The following SEC23B variants were observed in gnomAD, a reference collection of about 807,000 sequenced individuals.
The protein encoded by SEC23B is SEC23 homolog B, COPII component, also known as protein transport protein Sec23B.
Under a neutral mutation model 104.3 loss-of-function variants are expected in SEC23B, and 77 were observed. The ratio of observed to expected loss-of-function variants is 0.74; its 90% CI spans 0.61 to 0.89. The LOEUF (loss-of-function observed/expected upper bound fraction) is 0.89, where lower values mean the gene tolerates loss of function less well. SEC23B is among the 40% of genes least tolerant of loss of function. SEC23B has a pLI of 0.00. For synonymous variants in SEC23B, 338 were observed against 332.5 expected, an observed-to-expected ratio of 1.02 and a Z score of -0.18; for missense variants, 885 against 949.4, an observed-to-expected ratio of 0.93 and a Z score of 0.89.
At position 18,554,523 on chromosome 20, in the gene SEC23B, ACTT is replaced by A. The variant is rs978282326; in HGVS notation, c.2148+137_2148+139del. On this transcript the variant is annotated intron_variant, in intron 18 of 19. Coordinates refer to ENST00000650089, the MANE Select transcript of SEC23B (RefSeq NM_006363.6). Reference sequence around the variant, plus strand: ...ACACACAGGTAATCTTCCAAATATGACTTCTTTTTAAATGAGTGGTCAGGCCAA... The same window carrying A: ...ACACACAGGTAATCTTCCAAATATGACTTTTTAAATGAGTGGTCAGGCCAA... The A allele has an allele frequency of 8.9e-6, 11 of 1,242,894 alleles. No homozygotes were observed. In the African/African-American group the frequency reaches 1.0e-4, roughly 12 times the overall value. 77.0% of individuals were successfully genotyped at this position (1,242,894 alleles called of 1,614,324 possible).
In SEC23B at chr20:18,548,730, A is replaced by G. The variant is rs769559400; in HGVS notation, c.1865A>G (p.Gln622Arg). 6.2e-7 allele frequency: 1 copy of G among 1,614,210 alleles called. No individual in the cohort carries two copies. Among genetic ancestry groups the G allele is most frequent in the Admixed American group, 1.7e-5 (1 of 60,030 alleles). Residue 622 changes from glutamine to arginine, a missense_variant, in exon 16 of 20, where the codon CAG becomes CGG. Coordinates refer to ENST00000650089, the MANE Select transcript of SEC23B (RefSeq NM_006363.6). ...CTGACCCAGTCCCTCATCATGATCCAGCCCATTCTCTACTCTTACTCCTTT... is the reference window on the plus strand; with the variant it reads ...CTGACCCAGTCCCTCATCATGATCCGGCCCATTCTCTACTCTTACTCCTTT... Reference protein sequence around the residue: ...QDLTQSLIMIQPILYSYSFHG... With the variant: ...QDLTQSLIMIRPILYSYSFHG...
intron 17 of SEC23B, 71 bp downstream of exon 17, chr20:18,551,246 G>A (rs1013599316): frequency 5.0e-6 from 4 of 805,448 alleles, no homozygotes; most frequent in East Asian, 5.4e-5. Flanking sequence ...CACATTTAAT[G>A]TGCACACAAG....
rs532449987 is a variant in SEC23B at position 18,554,017 on chromosome 20, G to A, written c.1993-218G>A. Among the ~76,000 whole-genome samples, 15 of 152,288 alleles carry A rather than the reference G, an allele frequency of 9.8e-5. No individual in the cohort carries two copies. In the East Asian group the frequency reaches 2.5e-3, roughly 25 times the overall value. ...ATAGAAGAGAGGAGGCATGAGTGAC[G>A]CCTGACATTCCTGGGGGAATGCGCA... is the stretch of plus-strand genomic sequence containing the variant. On this transcript the variant is annotated intron_variant, in intron 17 of 19. Coordinates refer to ENST00000650089, the MANE Select transcript of SEC23B (RefSeq NM_006363.6).
intron 10 of SEC23B, among the ~76,000 whole-genome samples, chr20:18,532,347 C>G (rs1301595938): frequency 6.6e-6 from 1 of 152,142 alleles, no homozygotes; most frequent in African/African-American, 2.4e-5. Context: ...TGAATATATT[C>G]ATACAAGGGA....
rs372131611 is a variant in SEC23B, at chr20:18,516,049, T to C, written c.366+313T>C. The C allele has an allele frequency of 4.7e-5, 16 of 337,318 alleles. No individual in the cohort carries two copies. In the East Asian group the frequency reaches 1.1e-3, roughly 23 times the overall value. 20.9% of individuals were successfully genotyped at this position (337,318 alleles called of 1,614,324 possible). ...TTAGACTTATCCTTGACCTCTCTCTTTCATGTTCCATATCTAATTCACTGG... is the reference window on the plus strand; with the variant it reads ...TTAGACTTATCCTTGACCTCTCTCTCTCATGTTCCATATCTAATTCACTGG... On this transcript the variant is annotated intron_variant, in intron 4 of 19. Transcript: ENST00000650089.
At chr20:18,546,317 A>G (rs893893401) in intron 15 of SEC23B, among the ~76,000 whole-genome samples, 1 of 152,258 alleles carries the variant, frequency 6.6e-6, no homozygotes, top group Non-Finnish European at 1.5e-5. Context: ...TCTCATGTGT[A>G]GAAGTTCTGG....
In SEC23B at chr20:18,515,748, G is replaced by A; in HGVS notation, c.366+12G>A. On this transcript the variant is annotated intron_variant, in intron 4 of 19. Transcript: ENST00000650089. ...AGTACGTGATACAGGTAATTTCTTT[G>A]TTGTGCATTTAATGAGCAATGTTAA... The A allele has an allele frequency of 6.7e-7, 1 of 1,501,164 alleles. No homozygotes were observed. Among genetic ancestry groups the A allele is most frequent in the Non-Finnish European group, 9.3e-7 (1 of 1,077,146 alleles). 93.0% of individuals were successfully genotyped at this position (1,501,164 alleles called of 1,614,324 possible). A position where few individuals can be genotyped will look rare whatever the true frequency, so the allele number is the denominator to read the frequency against.
At chr20:18,552,842 G>T (rs1600278639) in intron 17 of SEC23B, among the ~76,000 whole-genome samples, 2 of 152,086 alleles carry the variant, frequency 1.3e-5, no homozygotes, top group East Asian at 1.9e-4. Context: ...AACAGCACAA[G>T]AACGATTTAT....
chr20:18,538,690 A>G (rs143928268), intron 12 of SEC23B, among the ~76,000 whole-genome samples: 3 of 152,342 alleles, frequency 2.0e-5, no homozygotes, highest in Non-Finnish European at 4.4e-5. Flanking sequence ...AATGGAATCA[A>G]TTCTCTTAAA....
upstream of SEC23B, chr20:18,507,934 C>T (rs2059944807): frequency 1.3e-5 from 2 of 152,664 alleles, no homozygotes; most frequent in Admixed American, 6.5e-5. Flanking sequence ...GAGCCGGAGC[C>T]TGCTTGTTGC....
intron 16 of SEC23B, 23 bp downstream of exon 16, chr20:18,548,793 T>G: frequency 6.2e-7 from 1 of 1,611,394 alleles, no homozygotes; most frequent in South Asian, 1.1e-5. Context: ...CCAAATGCTT[T>G]CCTGAGGATT....
At chr20:18,511,543 C>A (rs2059982288) in intron 2 of SEC23B, among the ~76,000 whole-genome samples, 1 of 148,702 alleles carries the variant, frequency 6.7e-6, no homozygotes, top group South Asian at 2.1e-4. Flanking sequence ...TGACCTATTT[C>A]TTTTAAATGT....
chr20:18,547,187 G>A (rs1029712834), intron 15 of SEC23B, among the ~76,000 whole-genome samples: 4 of 152,106 alleles, frequency 2.6e-5, no homozygotes, highest in African/African-American at 4.8e-5. Context: ...AGAGCCAGGC[G>A]GCCAGGTGTA....
chr20:18,519,325 T>C (rs1447833879), intron 4 of SEC23B, among the ~76,000 whole-genome samples: 1 of 152,106 alleles, frequency 6.6e-6, no homozygotes, highest in Non-Finnish European at 1.5e-5. Context: ...AAAGAGTGAG[T>C]ACAGCTGAAG....
chr20:18,528,196 A>T (rs766442675), intron 9 of SEC23B, among the ~76,000 whole-genome samples: 2 of 152,138 alleles, frequency 1.3e-5, no homozygotes, highest in Non-Finnish European at 2.9e-5. Context: ...TGAATCGGAA[A>T]CCCCGGGAAT....
intron 5 of SEC23B, 129 bp from the exon 6 acceptor site, chr20:18,524,806 C>G: frequency 8.1e-7 from 1 of 1,231,682 alleles, no homozygotes; most frequent in South Asian, 1.2e-5. Flanking sequence ...CATTGGCCCA[C>G]CTCAGCCTCA....
intron 9 of SEC23B, 93 bp downstream of exon 9, chr20:18,527,704 T>C: frequency 2.3e-6 from 2 of 854,582 alleles, no homozygotes; most frequent in Non-Finnish European, 4.1e-6. Flanking sequence ...CAAGGCCAAC[T>C]CAGAGAAGCT....
chr20:18,515,185 A>G (rs556939892), intron 3 of SEC23B, among the ~76,000 whole-genome samples: 1 of 152,224 alleles, frequency 6.6e-6, no homozygotes, highest in Non-Finnish European at 1.5e-5. Flanking sequence ...GCTCTAAAAA[A>G]TATTTTTTAA....
chr20:18,557,173 A>G (rs1054581439), intron 19 of SEC23B, among the ~76,000 whole-genome samples: 6 of 152,140 alleles, frequency 3.9e-5, no homozygotes, highest in Non-Finnish European at 7.4e-5. Context: ...TTCTTTTTTC[A>G]TCTTACGTAC....
Sources: gnomAD v4.1 joint callset for allele counts (sites outside exome capture counted in the v4.1 genomes callset) on GRCh38, gnomAD v4.1.1 for gene constraint, MANE v1.5 for transcripts, NCBI Gene and HGNC (gene_info 2026-07-23, HGNC 2026-07-21) for gene names.